MAP3K14: variants seen among roughly 807,000 people sequenced by gnomAD.
The protein encoded by MAP3K14 is mitogen-activated protein kinase kinase kinase 14.
In MAP3K14, 16 loss-of-function variants were observed where a neutral mutation model predicts 99.2. The observed-to-expected ratio is 0.16, with a 90% confidence interval of 0.11 to 0.24. The LOEUF (loss-of-function observed/expected upper bound fraction) is 0.24. Ranked by LOEUF, MAP3K14 falls within the 10% of genes least tolerant of loss-of-function variation. MAP3K14 has a pLI of 1.00. For synonymous variants in MAP3K14, 462 were observed against 492.4 expected (o/e 0.94, Z 0.82); for missense variants, 784 against 1,208.7 (o/e 0.65, Z 5.21).
In MAP3K14 at chr17:45,287,343, C is replaced by G; in HGVS notation, c.348G>C (p.Gln116His). ...TAGCATGGGCCACATTGTTGGGGAT[C>G]TGATCAAGACTCTCGGACTGGCTGT... ...KQYSQSESLD[Q>H]IPNNVAHATE... is the part of the protein sequence containing the mutation. The change falls in exon 4 of 16, where the codon CAG (glutamine) becomes CAC (histidine). Residue 116 changes from glutamine to histidine, a missense_variant. Around this residue, in one of 5 missense-constraint regions of MAP3K14, gnomAD observed 188 missense variants for 313.0 expected, o/e 0.60. Transcript: ENST00000344686. 6.2e-7 allele frequency: 1 copy of G among 1,614,000 alleles called. No individual in the cohort carries two copies. The highest frequency in any genetic ancestry group is 8.5e-7 in the Non-Finnish European group (1 of 1,179,890).
At chr17:45,278,367 C>T (rs1342491004) in intron 6 of MAP3K14, among the ~76,000 whole-genome samples, 2 of 152,146 alleles carry the variant, frequency 1.3e-5, no homozygotes, top group Admixed American at 6.6e-5. Context: ...TCTGAACTTC[C>T]GTGTTCCTCA....
At chr17:45,289,389 C>A in intron 2 of MAP3K14, 84 bp from the exon 3 acceptor site, 1 of 1,057,684 alleles carries the variant, frequency 9.5e-7, no homozygotes, top group Non-Finnish European at 1.4e-6. Flanking sequence ...CAGAGATCCC[C>A]TCTGGCGCCT....
chr17:45,302,169 TA>T (rs200520281), intron 1 of MAP3K14, among the ~76,000 whole-genome samples: 965 of 67,766 alleles, frequency 0.014, 12 homozygotes, highest in African/African-American at 0.039. Flanking sequence ...TCTAAGTGGT[TA>T]AAAAAAAAAA....
chr17:45,283,568 A>G (rs1463788918), intron 6 of MAP3K14, among the ~76,000 whole-genome samples: 1 of 152,204 alleles, frequency 6.6e-6, no homozygotes, highest in Non-Finnish European at 1.5e-5. Context: ...GGCACCCTGG[A>G]CGGTGGTGGC....
intron 1 of MAP3K14, among the ~76,000 whole-genome samples, chr17:45,295,719 C>T (rs1279041797): frequency 1.3e-5 from 2 of 152,242 alleles, no homozygotes; most frequent in African/African-American, 4.8e-5. Context: ...CTTTTAACTT[C>T]TCTGAGTTTC....
Position 45,274,522 on chromosome 17 carries a change from A to T in MAP3K14, c.1362T>A (p.Pro454=). 1 of 1,614,002 alleles carries T rather than the reference A, an allele frequency of 6.2e-7. No homozygotes were observed. The change falls in exon 7 of 16, where the codon CCT becomes CCA. Residue 454 remains proline (P), a synonymous_variant. Coordinates refer to ENST00000344686, the MANE Select transcript of MAP3K14 (RefSeq NM_003954.5). ...CAGLTSPRIV[P]LYGAVREGPW... is the part of the protein sequence containing the mutation. ...GCCCTTCTCTCACAGCTCCATACAA[A>T]GGGACAATTCTGGGTGAGGTCAATC...
intron 11 of MAP3K14, among the ~76,000 whole-genome samples, chr17:45,269,767 A>G (rs1284153210): frequency 6.6e-6 from 1 of 152,188 alleles, no homozygotes; most frequent in Non-Finnish European, 1.5e-5. Flanking sequence ...TCCCTCCCAC[A>G]TGCCTTGCCC....
At chr17:45,284,124 G>A (rs2074292) in intron 6 of MAP3K14, among the ~76,000 whole-genome samples, 79,957 of 152,000 alleles carry the variant, frequency 0.53, 21,195 homozygotes, top group Non-Finnish European at 0.54. Flanking sequence ...GGGTGGGAGG[G>A]GTGATTCCTG....
intron 1 of MAP3K14, among the ~76,000 whole-genome samples, chr17:45,313,190 C>A (rs151012799): frequency 7.2e-5 from 11 of 152,294 alleles, no homozygotes; most frequent in Admixed American, 3.3e-4. Context: ...TCTGGCCTGT[C>A]AGGCAGTCTG....
intron 6 of MAP3K14, among the ~76,000 whole-genome samples, chr17:45,280,525 G>A (rs1018054336): frequency 2.0e-5 from 3 of 151,916 alleles, no homozygotes; most frequent in Non-Finnish European, 4.4e-5. Context: ...GGCTGGTCTC[G>A]AACTCCCGAC....
intron 1 of MAP3K14, among the ~76,000 whole-genome samples, chr17:45,312,921 T>C (rs768979706): frequency 2.8e-4 from 42 of 152,184 alleles, no homozygotes; most frequent in Non-Finnish European, 3.4e-4. Flanking sequence ...CTACATGCCA[T>C]ACAGTATTTT....
chr17:45,288,025 C>T (rs772129610), intron 3 of MAP3K14, among the ~76,000 whole-genome samples: 9 of 152,168 alleles, frequency 5.9e-5, no homozygotes, highest in Non-Finnish European at 1.0e-4. Context: ...TTAAAGGACC[C>T]GGCAACAGAT....
At chr17:45,303,688 T>C (rs1247101478) in intron 1 of MAP3K14, among the ~76,000 whole-genome samples, 1 of 151,992 alleles carries the variant, frequency 6.6e-6, no homozygotes, top group Non-Finnish European at 1.5e-5. Flanking sequence ...TTAAGTTTCA[T>C]GTAAATCCTT....
At position 45,267,317 on chromosome 17, in the gene MAP3K14, C is replaced by G; in HGVS notation, c.2326+89G>C. The G allele has an allele frequency of 6.9e-7, 1 of 1,449,520 alleles. No individual in the cohort carries two copies. The highest frequency in any genetic ancestry group is 9.5e-7 in the Non-Finnish European group (1 of 1,057,826). 89.8% of individuals were successfully genotyped at this position (1,449,520 alleles called of 1,614,324 possible). A position where few individuals can be genotyped will look rare whatever the true frequency, so the allele number is the denominator to read the frequency against. On this transcript the variant is annotated intron_variant, in intron 12 of 15. Transcript: ENST00000344686. This position sits in a 1 kb window ranked among gnomAD's most constrained non-coding sequence, Gnocchi z 5.1. ...TGCTGGGGAAGGGGCTGGAAGAAAGCCCACACCGCAGGTAAAGAGAAACAC... is the reference window on the plus strand; with the variant it reads ...TGCTGGGGAAGGGGCTGGAAGAAAGGCCACACCGCAGGTAAAGAGAAACAC...
At chr17:45,306,619 G>A (rs558761280) in intron 1 of MAP3K14, among the ~76,000 whole-genome samples, 1 of 152,280 alleles carries the variant, frequency 6.6e-6, no homozygotes, top group Non-Finnish European at 1.5e-5. Context: ...CCTGGCTGCA[G>A]GCTTCTTGAA....
chr17:45,287,567 C>T (rs2044277715), intron 3 of MAP3K14, among the ~76,000 whole-genome samples: 1 of 152,174 alleles, frequency 6.6e-6, no homozygotes. Flanking sequence ...GTATTTTCTG[C>T]CATACAGGGT....
At chr17:45,315,908 C>G (rs1400663084) in intron 1 of MAP3K14, among the ~76,000 whole-genome samples, 1 of 152,182 alleles carries the variant, frequency 6.6e-6, no homozygotes, top group Non-Finnish European at 1.5e-5. Context: ...AAGATACTGT[C>G]TCCTTCTAAT....
At chr17:45,266,421 G>A in intron 14 of MAP3K14, 116 bp downstream of exon 14, 4 of 1,349,644 alleles carry the variant, frequency 3.0e-6, no homozygotes, top group Non-Finnish European at 2.0e-6. Flanking sequence ...GGGACCAGGC[G>A]CCTTCCTCCC....
intron 1 of MAP3K14, among the ~76,000 whole-genome samples, chr17:45,307,330 A>G (rs970171974): frequency 2.0e-5 from 3 of 152,164 alleles, no homozygotes; most frequent in African/African-American, 4.8e-5. Context: ...TCAGCAACTT[A>G]GGGTATTTTG....
Sources: gnomAD v4.1 joint callset for allele counts (sites outside exome capture counted in the v4.1 genomes callset) on GRCh38, gnomAD v4.1.1 for gene constraint, gnomAD v4.1.1 regional missense constraint, Gnocchi (gnomAD v3.1) non-coding constraint, MANE v1.5 for transcripts, NCBI Gene and HGNC (gene_info 2026-07-23, HGNC 2026-07-21) for gene names.